The following SYNE2 variants were observed in gnomAD, a reference collection of about 807,000 sequenced individuals.
SYNE2 encodes nesprin-2.
Under a neutral mutation model 856.3 loss-of-function variants are expected in SYNE2, and 431 were observed. The observed-to-expected ratio is 0.50, with a 90% CI of 0.47 to 0.55. The LOEUF (loss-of-function observed/expected upper bound fraction) is 0.55, where lower values mean the gene tolerates loss of function less well. SYNE2 is among the 20% of genes least tolerant of loss of function. The probability of loss-of-function intolerance (pLI) is 0.00; values close to 1 mark genes in which losing one functional copy is unlikely to be tolerated. For synonymous variants in SYNE2, 2,923 were observed against 2,872.3 expected (o/e 1.02, Z -0.56); for missense variants, 8,129 against 8,023.2 (o/e 1.01, Z -0.50).
intron 1 of SYNE2, among the ~76,000 whole-genome samples, chr14:63,812,845 C>G (rs1054722177): frequency 6.6e-6 from 1 of 152,072 alleles, no homozygotes; most frequent in Non-Finnish European, 1.5e-5. Context: ...ACATGTATAC[C>G]TATGTAACAA....
chr14:63,908,644 A>G (rs1487925716), intron 1 of SYNE2, among the ~76,000 whole-genome samples: 1 of 152,200 alleles, frequency 6.6e-6, no homozygotes, highest in Non-Finnish European at 1.5e-5. Context: ...CTCAGCTCTT[A>G]TTGTTTCCAG....
At position 64,125,105 on chromosome 14, in the gene SYNE2, C is replaced by T. The variant is rs1229822837; in HGVS notation, c.13449C>T (p.Pro4483=). The T allele has an allele frequency of 6.2e-7, 1 of 1,614,122 alleles. No homozygotes were observed. Among genetic ancestry groups the T allele is most frequent in the Non-Finnish European group, 8.5e-7 (1 of 1,180,018 alleles). ...TTTCCACAAATATGGGTATTCTACC[C>T]AGCGTGACTATGTATAACTTTAGAT... ...PQVSTNMGIL[P]SVTMYNFRYP... The change falls in exon 71 of 116, where the codon CCC becomes CCT. Residue 4483 remains proline (P), a synonymous_variant. Coordinates refer to ENST00000555002, the MANE Select transcript of SYNE2 (RefSeq NM_182914.3).
intron 31 of SYNE2, among the ~76,000 whole-genome samples, chr14:64,008,014 C>T (rs1198279114): frequency 6.6e-6 from 1 of 152,246 alleles, no homozygotes; most frequent in African/African-American, 2.4e-5. Context: ...AAAAGAAAAT[C>T]AAGCTGTGTT....
At position 64,186,520 on chromosome 14, in the gene SYNE2, A is replaced by C; in HGVS notation, c.17653A>C (p.Met5885Leu). 1 of 1,614,206 alleles carries C rather than the reference A, an allele frequency of 6.2e-7. No homozygotes were observed. The highest frequency in any genetic ancestry group is 1.3e-5 in the African/African-American group (1 of 75,052). ...LTRHVLVEDVMVLKEQIEHLH... is the reference protein window; with the variant it reads ...LTRHVLVEDVLVLKEQIEHLH... ...CCGGCACGTTCTCGTGGAAGATGTG[A>C]TGGTTTTGAAGGAGCAAATAGAGCA... The change falls in exon 97 of 116, where the codon ATG becomes CTG. Residue 5885 changes from methionine (M) to leucine (L), a missense_variant. Met to Leu is a conservative substitution (Grantham distance 15). Transcript: ENST00000555002.
chr14:63,923,477 T>C (rs36114301), intron 2 of SYNE2, among the ~76,000 whole-genome samples: 24,219 of 152,216 alleles, frequency 0.16, 2,876 homozygotes, highest in African/African-American at 0.34. Context: ...AACAAACTCC[T>C]GCTCCCTCCT....
chr14:63,878,281 GTCTAGATC>G (rs2094774409), intron 1 of SYNE2, among the ~76,000 whole-genome samples: 1 of 152,290 alleles, frequency 6.6e-6, no homozygotes, highest in East Asian at 1.9e-4. Context: ...GGACTGGCAT[GTCTAGATC>G]TCCCTGGCCT....
At position 63,780,355 on chromosome 14, in the gene SYNE2, G is replaced by A. The variant is rs372827053; in HGVS notation, c.-305+18369G>A. ...TCAAGACCAGCCTGGCAAACATGGC[G>A]AAACCTCATCTCTACTAAAAATACA... On this transcript the variant is annotated intron_variant, in intron 1 of 23. Coordinates refer to the SYNE2 transcript ENST00000674003. Among the ~76,000 whole-genome samples the A allele has an allele frequency of 7.2e-5, 11 of 152,194 alleles. 1 individual carries two copies. Among genetic ancestry groups the A allele is most frequent in the African/African-American group, 2.2e-4 (9 of 41,512 alleles).
At chr14:64,169,072 C>T in intron 93 of SYNE2, 101 bp downstream of exon 93, 1 of 887,058 alleles carries the variant, frequency 1.1e-6, no homozygotes. Context: ...TGTTGGTGCC[C>T]TGTGCCCTGT....
At chr14:63,837,162 T>G (rs557281107) in intron 1 of SYNE2, among the ~76,000 whole-genome samples, 5 of 152,316 alleles carry the variant, frequency 3.3e-5, no homozygotes, top group South Asian at 2.1e-4. Flanking sequence ...GTCAATTGAT[T>G]TTTAACACGA....
intron 73 of SYNE2, 61 bp downstream of exon 73, chr14:64,126,868 A>G: frequency 6.7e-7 from 1 of 1,503,066 alleles, no homozygotes; most frequent in Non-Finnish European, 9.1e-7. Context: ...TGAACCCCTA[A>G]TGCCTATTCC....
At chr14:63,824,676 G>C (rs949719842) in intron 1 of SYNE2, among the ~76,000 whole-genome samples, 1 of 151,112 alleles carries the variant, frequency 6.6e-6, no homozygotes, top group African/African-American at 2.4e-5. Context: ...AGTGTAATTG[G>C]ATTGTTTGAA....
rs1381415115 is a variant in SYNE2 at position 63,838,092 on chromosome 14, G to A, written c.-304-14409G>A. On this transcript the variant is annotated intron_variant, in intron 1 of 23. Transcript: ENST00000674003. The stretch of plus-strand genomic sequence containing the variant: ...GAAAATTAAAAAGACTATAAGGGCT[G>A]GGCACAGTGGCTGACGCCTGTAATC... Among the ~76,000 whole-genome samples the A allele has an allele frequency of 2.0e-5, 3 of 151,546 alleles. No individual in the cohort carries two copies. The East Asian group carries it at 5.9e-4, about 30-fold the overall frequency.
At chr14:64,169,220 A>G (rs879500956) in intron 93 of SYNE2, among the ~76,000 whole-genome samples, 13 of 152,222 alleles carry the variant, frequency 8.5e-5, no homozygotes, top group Non-Finnish European at 1.3e-4. Context: ...GAAGCTTTGG[A>G]AAATGCCCAC....
At chr14:64,144,519 C>G (rs2098165573) in intron 83 of SYNE2, among the ~76,000 whole-genome samples, 1 of 151,944 alleles carries the variant, frequency 6.6e-6, no homozygotes, top group Non-Finnish European at 1.5e-5. Flanking sequence ...AGACAATTCA[C>G]AAAAGAGGAA....
At chr14:63,908,075 TG>T (rs995753942) in intron 1 of SYNE2, among the ~76,000 whole-genome samples, 1 of 152,184 alleles carries the variant, frequency 6.6e-6, no homozygotes, top group African/African-American at 2.4e-5. Flanking sequence ...TTGTATTTTT[TG>T]AAGTGTTCTG....
At position 63,993,527 on chromosome 14, in the gene SYNE2, A is replaced by G. The variant is rs180839713; in HGVS notation, c.2647-308A>G. Among the ~76,000 whole-genome samples, 212 of 152,366 alleles carry G rather than the reference A, an allele frequency of 1.4e-3. No individual in the cohort carries two copies. In the Middle Eastern group the frequency reaches 0.034, roughly 24 times the overall value. On this transcript the variant is annotated intron_variant, in intron 21 of 115. Coordinates refer to ENST00000555002, the MANE Select transcript of SYNE2 (RefSeq NM_182914.3). Reference sequence around the variant, plus strand: ...TTAACCCTGTACAGTGAACTTTATAATTACTTATCAATGGGGTAACAAAAA... The same window carrying G: ...TTAACCCTGTACAGTGAACTTTATAGTTACTTATCAATGGGGTAACAAAAA...
intron 94 of SYNE2, among the ~76,000 whole-genome samples, chr14:64,174,515 T>C (rs562449553): frequency 4.3e-4 from 66 of 152,384 alleles, no homozygotes; most frequent in African/African-American, 1.5e-3. Flanking sequence ...GTATATTTTT[T>C]GTATTTTACC....
chr14:63,865,709 T>TC (rs1566648940), intron 1 of SYNE2, among the ~76,000 whole-genome samples: 13 of 68,046 alleles, frequency 1.9e-4, no homozygotes, highest in Non-Finnish European at 3.1e-4. Flanking sequence ...CAAAACTCTG[T>TC]ACCCACCCCC....
chr14:64,161,831 T>C (rs2153715093), intron 87 of SYNE2, among the ~76,000 whole-genome samples: 1 of 152,286 alleles, frequency 6.6e-6, no homozygotes, highest in East Asian at 1.9e-4. Flanking sequence ...TAGGTATTTG[T>C]TGCCAATCAT....
Sources: allele counts gnomAD v4.1 joint callset (sites outside exome capture counted in the v4.1 genomes callset), GRCh38; gene constraint gnomAD v4.1.1; transcripts MANE v1.5; gene names NCBI Gene and HGNC (gene_info 2026-07-23, HGNC 2026-07-21).